FOXP2: variants seen among roughly 807,000 people sequenced by gnomAD.
FOXP2 encodes the protein forkhead box P2.
FOXP2 carries 12 observed loss-of-function variants against 115.8 expected under a neutral mutation model. The observed-to-expected ratio is 0.10, with a 90% confidence interval of 0.07 to 0.17. The LOEUF (loss-of-function observed/expected upper bound fraction) is 0.17. Among genes scored for constraint, FOXP2 ranks in the 10% least tolerant of loss-of-function variants. The pLI is 1.00. For missense variants in FOXP2, 629 were observed against 843.5 expected, an observed-to-expected ratio of 0.75 and a Z score of 3.15; for synonymous variants, 328 against 297.7, an observed-to-expected ratio of 1.10 and a Z score of -1.05.
chr7:114,590,603 T>G (rs1402005258), intron 3 of FOXP2, among the ~76,000 whole-genome samples: 1 of 152,190 alleles, frequency 6.6e-6, no homozygotes, highest in Non-Finnish European at 1.5e-5. Context: ...CAGAGAAGTG[T>G]TAGAGCCATT....
In FOXP2 at chr7:114,353,362, C is replaced by G. The variant is rs1050452029; in HGVS notation, c.-11+65253C>G. On this transcript the variant is annotated intron_variant, in intron 2 of 17. Coordinates refer to the FOXP2 transcript ENST00000634411. ...TTTTTTTTTTTTTTTTTTTTTTTCA[C>G]AGCTCTATCTATCACAGAGATTGGA... is the stretch of plus-strand genomic sequence containing the variant. Among the ~76,000 whole-genome samples, 28 of 105,596 alleles carry G rather than the reference C, an allele frequency of 2.7e-4. 1 individual carries two copies. Among genetic ancestry groups the G allele is most frequent in the African/African-American group, 9.9e-4 (28 of 28,406 alleles). 69.3% of individuals were successfully genotyped at this position (105,596 alleles called of 152,430 possible).
chr7:114,327,527 A>T (rs1289200201), intron 2 of FOXP2, among the ~76,000 whole-genome samples: 1 of 149,670 alleles, frequency 6.7e-6, no homozygotes, highest in African/African-American at 2.5e-5. Context: ...TTCAAGATGG[A>T]GTCTTGCTCT....
At chr7:114,523,794 G>A (rs1039646750) in intron 2 of FOXP2, among the ~76,000 whole-genome samples, 1 of 152,060 alleles carries the variant, frequency 6.6e-6, no homozygotes, top group Non-Finnish European at 1.5e-5. Context: ...TCACAGAAAC[G>A]CAGCCTAAGC....
At chr7:114,152,780 T>C (rs1388321033) in intron 1 of FOXP2, among the ~76,000 whole-genome samples, 2 of 152,102 alleles carry the variant, frequency 1.3e-5, no homozygotes, top group Non-Finnish European at 2.9e-5. Flanking sequence ...TTGCTGTCAT[T>C]GACCGTAGGG....
intron 2 of FOXP2, among the ~76,000 whole-genome samples, chr7:114,494,812 T>C (rs1414490440): frequency 6.6e-6 from 1 of 152,140 alleles, no homozygotes; most frequent in African/African-American, 2.4e-5. Context: ...TTTGATGACA[T>C]GTTGCTATAT....
intron 3 of FOXP2, among the ~76,000 whole-genome samples, chr7:114,562,616 G>C (rs1800807840): frequency 6.6e-6 from 1 of 151,974 alleles, no homozygotes; most frequent in Non-Finnish European, 1.5e-5. Flanking sequence ...ACCTCTTCCA[G>C]AACCTTGTCT....
intron 2 of FOXP2, among the ~76,000 whole-genome samples, chr7:114,447,404 C>G (rs1262904940): frequency 7.1e-6 from 1 of 140,588 alleles, no homozygotes; most frequent in Non-Finnish European, 1.6e-5. Context: ...CTGTGCCTAG[C>G]AAGGCTTATA....
At chr7:114,563,198 T>C (rs1393946225) in intron 3 of FOXP2, among the ~76,000 whole-genome samples, 1 of 152,190 alleles carries the variant, frequency 6.6e-6, no homozygotes, top group East Asian at 1.9e-4. Flanking sequence ...GGAACTACAA[T>C]TCAAGATGAG....
Position 114,426,558 on chromosome 7 carries a change from A to G in FOXP2, c.47A>G (p.Asn16Ser). The change falls in exon 2 of 17, where the codon AAT becomes AGT. Residue 16 changes from asparagine (N) to serine (S), a missense_variant. Transcript: ENST00000350908. ...ATETISNSSM[N>S]QNGMSTLSSQ... ...GAGACAATAAGCAACAGTTCAATGA[A>G]TCAAAATGGAATGAGCACTCTAAGC... The G allele has an allele frequency of 6.2e-7, 1 of 1,611,530 alleles. No homozygotes were observed. The highest frequency in any genetic ancestry group is 8.5e-7 in the Non-Finnish European group (1 of 1,178,304).
intron 1 of FOXP2, among the ~76,000 whole-genome samples, chr7:114,153,818 A>G (rs893509685): frequency 3.6e-4 from 55 of 152,150 alleles, no homozygotes. Context: ...CATTAGAGAT[A>G]TGTCTTTGAT....
intron 2 of FOXP2, among the ~76,000 whole-genome samples, chr7:114,520,436 G>A (rs188643905): frequency 6.6e-6 from 1 of 152,186 alleles, no homozygotes; most frequent in African/African-American, 2.4e-5. Flanking sequence ...ACACTATCAG[G>A]TAATTTTTTG....
intron 1 of FOXP2, among the ~76,000 whole-genome samples, chr7:114,089,893 T>A (rs1018082522): frequency 6.6e-5 from 10 of 152,014 alleles, no homozygotes; most frequent in African/African-American, 2.4e-4. Context: ...TGAAAATAAC[T>A]GCATGGTTTG....
chr7:114,423,001 A>G (rs1202307391), intron 1 of FOXP2, among the ~76,000 whole-genome samples: 1 of 151,712 alleles, frequency 6.6e-6, no homozygotes. Flanking sequence ...TGTTGTGACT[A>G]TAACAGGGAG....
At chr7:114,465,609 A>T (rs556001213) in intron 2 of FOXP2, among the ~76,000 whole-genome samples, 1 of 152,210 alleles carries the variant, frequency 6.6e-6, no homozygotes, top group Non-Finnish European at 1.5e-5. Flanking sequence ...GTTCTCTGTC[A>T]CTTTTAGGAT....
intron 2 of FOXP2, among the ~76,000 whole-genome samples, chr7:114,491,653 G>A (rs1169808459): frequency 1.3e-5 from 2 of 152,096 alleles, no homozygotes; most frequent in East Asian, 3.9e-4. Flanking sequence ...TAACATTTAA[G>A]TCTTTAATCC....
At chr7:114,330,457 A>C (rs1797675696) in intron 2 of FOXP2, among the ~76,000 whole-genome samples, 1 of 147,956 alleles carries the variant, frequency 6.8e-6, no homozygotes, top group African/African-American at 2.5e-5. Flanking sequence ...ACATAGGGAG[A>C]TCTTGTCTCT....
chr7:114,209,925 T>C (rs1463652967), intron 1 of FOXP2, among the ~76,000 whole-genome samples: 1 of 152,242 alleles, frequency 6.6e-6, no homozygotes, highest in Admixed American at 6.5e-5. Flanking sequence ...TGTTCTGCTG[T>C]TGATACTTGT....
chr7:114,132,540 A>G (rs2129145471), intron 1 of FOXP2, among the ~76,000 whole-genome samples: 1 of 122,536 alleles, frequency 8.2e-6, no homozygotes, highest in Non-Finnish European at 1.6e-5. Flanking sequence ...GAAAAGATAA[A>G]TTGTGTGTGT....
At chr7:114,395,693 G>A (rs1025997513) in intron 2 of FOXP2, among the ~76,000 whole-genome samples, 8 of 151,958 alleles carry the variant, frequency 5.3e-5, no homozygotes, top group African/African-American at 1.9e-4. Context: ...GAGAGAGCAG[G>A]ATTAAAAATT....
Sources: gnomAD v4.1 joint callset for allele counts (sites outside exome capture counted in the v4.1 genomes callset) on GRCh38, gnomAD v4.1.1 for gene constraint, MANE v1.5 for transcripts, NCBI Gene and HGNC (gene_info 2026-07-23, HGNC 2026-07-21) for gene names.